Variants in MYO7A observed in about 807,000 individuals in gnomAD.
The protein encoded by MYO7A is unconventional myosin-VIIa.
In MYO7A, 210 loss-of-function variants were observed where a neutral mutation model predicts 263.8. The observed-to-expected ratio is 0.80, with a 90% CI of 0.71 to 0.89. MYO7A has a LOEUF of 0.89. Among genes scored for constraint, MYO7A ranks in the 40% least tolerant of loss-of-function variants. MYO7A has a pLI of 0.00. For synonymous variants in MYO7A, 1,239 were observed against 1,197.3 expected, an observed-to-expected ratio of 1.03 and a Z score of -0.72; for missense variants, 2,820 against 2,968.3, an observed-to-expected ratio of 0.95 and a Z score of 1.16.
chr11:77,157,874 A>G (rs1408981048), intron 8 of MYO7A, among the ~76,000 whole-genome samples: 2 of 152,138 alleles, frequency 1.3e-5, no homozygotes, highest in East Asian at 3.9e-4. Flanking sequence ...GTATGCAGTT[A>G]CCTCTCCTCT....
At chr11:77,144,711 CAGAGTTCATCA>C (rs1951447319) in intron 3 of MYO7A, among the ~76,000 whole-genome samples, 2 of 152,192 alleles carry the variant, frequency 1.3e-5, no homozygotes, top group Admixed American at 1.3e-4. Flanking sequence ...TCTGGTTCCC[CAGAGTTCATCA>C]AGGGGTCTGC....
Position 77,205,486 on chromosome 11 carries a change from G to T in MYO7A, c.5505G>T (p.Glu1835Asp). Reference sequence around the variant, plus strand: ...GGTACAGCGAGGAGCGGGGTTGGGAGCTGCTCTGGCTGTGCACGGGCCTTT... The same window carrying T: ...GGTACAGCGAGGAGCGGGGTTGGGATCTGCTCTGGCTGTGCACGGGCCTTT... The part of the protein sequence containing the change: ...HIRYSEERGW[E>D]LLWLCTGLFP... Residue 1835 changes from glutamate to aspartate, a missense_variant, in exon 40 of 49, where the codon GAG becomes GAT. Physicochemically the swap from Glu to Asp is conservative, Grantham distance 45. Coordinates refer to ENST00000409709, the MANE Select transcript of MYO7A (RefSeq NM_000260.4). 6.3e-7 allele frequency: 1 copy of T among 1,585,174 alleles called. No individual in the cohort carries two copies.
rs1340391121 is a variant in MYO7A at position 77,214,757 on chromosome 11, A to C, written c.*61A>C. On this transcript the variant is annotated 3_prime_UTR_variant, in exon 49 of 49. Coordinates refer to ENST00000409709, the MANE Select transcript of MYO7A (RefSeq NM_000260.4). Reference sequence around the variant, plus strand: ...TCGAGGCAGCAGTGGGTTCAGGCCCATCAGCTACCCCTGCAGCTGGGGAAG... The same window carrying C: ...TCGAGGCAGCAGTGGGTTCAGGCCCCTCAGCTACCCCTGCAGCTGGGGAAG... 4.5e-6 allele frequency: 6 copies of C among 1,340,214 alleles called. No homozygotes were observed. The highest frequency in any genetic ancestry group is 5.2e-6 in the Non-Finnish European group (5 of 960,874). The allele number at this position is 1,340,214 out of a possible 1,614,324, so 83.0% of individuals were successfully genotyped here. A position where few individuals can be genotyped will look rare whatever the true frequency, so the allele number is the denominator to read the frequency against.
intron 15 of MYO7A, 77 bp downstream of exon 15, chr11:77,166,239 A>G: frequency 7.7e-7 from 1 of 1,292,070 alleles, no homozygotes; most frequent in Non-Finnish European, 1.1e-6. Flanking sequence ...GCCCTTGTCC[A>G]ACAGCTTCAG....
In MYO7A at chr11:77,213,881, T is replaced by C. The variant is rs1053009905; in HGVS notation, c.6460T>C (p.Phe2154Leu). 1 of 1,613,910 alleles carries C rather than the reference T, an allele frequency of 6.2e-7. No individual in the cohort carries two copies. The highest frequency in any genetic ancestry group is 1.3e-5 in the African/African-American group (1 of 74,948). ...CCAGGATATCCTCACCACTCATCCCTTCACCAAGATCTCCAACTGGAGCAG... is the reference window on the plus strand; with the variant it reads ...CCAGGATATCCTCACCACTCATCCCCTCACCAAGATCTCCAACTGGAGCAG... ...KTKDILTTHP[F>L]TKISNWSSGN... The change falls in exon 48 of 49, where the codon TTC becomes CTC. Residue 2154 changes from phenylalanine (F) to leucine (L), a missense_variant. Phe to Leu is a conservative substitution (Grantham distance 22, BLOSUM62 0). Transcript: ENST00000409709.
At chr11:77,153,834 C>T (rs922576310) in intron 4 of MYO7A, among the ~76,000 whole-genome samples, 14 of 152,346 alleles carry the variant, frequency 9.2e-5, no homozygotes, top group Middle Eastern at 3.4e-3. Flanking sequence ...TAGGGGCCTC[C>T]GTCAGGGCCC....
intron 18 of MYO7A, among the ~76,000 whole-genome samples, chr11:77,176,009 A>G (rs536797939): frequency 2.0e-5 from 3 of 152,130 alleles, no homozygotes; most frequent in Non-Finnish European, 2.9e-5. Flanking sequence ...AGCCTTGGAG[A>G]CATGGCTGGG....
chr11:77,188,695 C>T (rs1388275736), intron 27 of MYO7A, among the ~76,000 whole-genome samples: 1 of 152,190 alleles, frequency 6.6e-6, no homozygotes. Context: ...GTGTCATAAG[C>T]CTTGGCTCAT....
intron 9 of MYO7A, among the ~76,000 whole-genome samples, chr11:77,159,138 G>A (rs373738597): frequency 6.6e-6 from 1 of 152,212 alleles, no homozygotes; most frequent in East Asian, 1.9e-4. Context: ...CAGGAGCCAG[G>A]GCTGCTGCCA....
chr11:77,211,687 C>T, intron 45 of MYO7A, 134 bp from the exon 46 acceptor site: 1 of 681,148 alleles, frequency 1.5e-6, no homozygotes, highest in Non-Finnish European at 2.5e-6. Context: ...CTGTCCTAGT[C>T]CTGGCCCTGA....
chr11:77,198,420 T>C, intron 33 of MYO7A, 75 bp from the exon 34 acceptor site: 1 of 1,572,684 alleles, frequency 6.4e-7, no homozygotes, highest in Non-Finnish European at 8.7e-7. Context: ...GCCACCTGCC[T>C]GGCCGTTATG....
intron 33 of MYO7A, 82 bp from the exon 34 acceptor site, chr11:77,198,413 A>C (rs1591453909): frequency 6.4e-7 from 1 of 1,555,196 alleles, no homozygotes; most frequent in South Asian, 1.2e-5. Flanking sequence ...GTGTATTGCC[A>C]CCTGCCTGGC....
At chr11:77,163,770 G>A (rs1202496810) in intron 14 of MYO7A, among the ~76,000 whole-genome samples, 1 of 152,036 alleles carries the variant, frequency 6.6e-6, no homozygotes, top group African/African-American at 2.4e-5. Flanking sequence ...CATTTTTATG[G>A]CTGAATAGTA....
At chr11:77,198,726 G>GTT in intron 34 of MYO7A, 105 bp downstream of exon 34, 1 of 1,524,134 alleles carries the variant, frequency 6.6e-7, no homozygotes, top group Non-Finnish European at 8.9e-7. Context: ...GGCCTGCCTG[G>GTT]TTGCACGTGA....
At chr11:77,143,875 T>C (rs549326951) in intron 3 of MYO7A, among the ~76,000 whole-genome samples, 7 of 152,204 alleles carry the variant, frequency 4.6e-5, no homozygotes, top group South Asian at 4.1e-4. Flanking sequence ...GCCAGGTGCT[T>C]GACAAGGAGT....
chr11:77,132,838 G>A (rs1950805000), intron 2 of MYO7A, among the ~76,000 whole-genome samples: 1 of 152,184 alleles, frequency 6.6e-6, no homozygotes, highest in African/African-American at 2.4e-5. Flanking sequence ...GCTCAGGAAG[G>A]CTGAGTAATG....
intron 40 of MYO7A, 150 bp downstream of exon 40, chr11:77,205,767 T>A: frequency 2.7e-6 from 3 of 1,107,748 alleles, no homozygotes; most frequent in Non-Finnish European, 3.8e-6. Flanking sequence ...GAGGTGCGGA[T>A]CCTGCAGCTG....
chr11:77,156,208 C>T lies in MYO7A; in HGVS notation c.470+117C>T, dbSNP rs75024025. 3,863 of 1,139,202 alleles carry T rather than the reference C, an allele frequency of 3.4e-3. 82 individuals are homozygous for T. The African/African-American group carries it at 0.047, about 14-fold the overall frequency. The allele number at this position is 1,139,202 out of a possible 1,614,324, so 70.6% of individuals were successfully genotyped here. On this transcript the variant is annotated intron_variant, in intron 5 of 48. Coordinates refer to ENST00000409709, the MANE Select transcript of MYO7A (RefSeq NM_000260.4). ...CTGTCGGAAATGCCATCAAGCTCTT[C>T]AGGAACCAGACCTATGTACTCTGTG...
chr11:77,192,145 C>T lies in MYO7A; in HGVS notation c.4019C>T (p.Ala1340Val), dbSNP rs370330847. ...GAGCAGGGCGCCCAGGAGCGCAACG[C>T]CCCCTGGAGGCTCTTCTTCCGCAAA... ...AKEQGAQERN[A>V]PWRLFFRKEV... Residue 1340 changes from alanine (A) to valine (V), a missense_variant, in exon 31 of 49, where the codon GCC becomes GTC. By Grantham distance (64) the Ala-to-Val change is moderately conservative. Coordinates refer to ENST00000409709, the MANE Select transcript of MYO7A (RefSeq NM_000260.4). The T allele has an allele frequency of 1.7e-5, 28 of 1,613,854 alleles. No homozygotes were observed. The highest frequency in any genetic ancestry group is 2.2e-5 in the Non-Finnish European group (26 of 1,179,910).
Sources: allele counts gnomAD v4.1 joint callset (sites outside exome capture counted in the v4.1 genomes callset), GRCh38; gene constraint gnomAD v4.1.1; transcripts MANE v1.5; gene names NCBI Gene and HGNC (gene_info 2026-07-23, HGNC 2026-07-21).